The following DIP2B variants were observed in gnomAD, a reference collection of about 807,000 sequenced individuals.
The protein encoded by DIP2B is disco-interacting protein 2 homolog B.
Under a neutral mutation model 198.0 loss-of-function variants are expected in DIP2B, and 76 were observed. The ratio of observed to expected loss-of-function variants is 0.38; its 90% CI spans 0.32 to 0.46. DIP2B has a LOEUF of 0.46. Among genes scored for constraint, DIP2B ranks in the 20% least tolerant of loss-of-function variants. DIP2B has a pLI of 0.99. For synonymous variants in DIP2B, 701 were observed against 739.1 expected (o/e 0.95, Z 0.84); for missense variants, 1,559 against 1,978.4 (o/e 0.79, Z 4.02).
At chr12:50,563,144 C>T (rs1958534064) in intron 1 of DIP2B, among the ~76,000 whole-genome samples, 1 of 152,102 alleles carries the variant, frequency 6.6e-6, no homozygotes, top group Admixed American at 6.6e-5. Context: ...TATCTATTTC[C>T]AACATATGCT....
intron 1 of DIP2B, among the ~76,000 whole-genome samples, chr12:50,602,418 A>T (rs1958944942): frequency 6.6e-6 from 1 of 152,050 alleles, no homozygotes; most frequent in Admixed American, 6.6e-5. Context: ...ACAGGCACAC[A>T]CCACTGTGGC....
intron 25 of DIP2B, among the ~76,000 whole-genome samples, chr12:50,719,734 G>A (rs1375503184): frequency 1.3e-5 from 2 of 151,484 alleles, no homozygotes; most frequent in Non-Finnish European, 2.9e-5. Context: ...CCAGCTACTC[G>A]GGAGGCCGAG....
chr12:50,635,927 ATTAT>A (rs1270138911), intron 2 of DIP2B, among the ~76,000 whole-genome samples: 1 of 152,180 alleles, frequency 6.6e-6, no homozygotes, highest in Non-Finnish European at 1.5e-5. Flanking sequence ...CAAGATCTTA[ATTAT>A]TTATTTTAAT....
At position 50,699,163 on chromosome 12, in the gene DIP2B, G is replaced by A. The variant is rs1418334444; in HGVS notation, c.2286G>A (p.Met762Ile). ...ICVSSRTGGM[M>I]YFGLAGVTKN... ...TTAGCTCCAGAACTGGAGGCATGAT[G>A]TACTTTGGGCTTGCTGGTGTGACAA... is the stretch of plus-strand genomic sequence containing the variant. The change falls in exon 19 of 38, where the codon ATG (methionine) becomes ATA (isoleucine). Residue 762 changes from methionine to isoleucine, a missense_variant. Met to Ile is a conservative substitution (Grantham distance 10). Transcript: ENST00000301180. 3.1e-6 allele frequency: 5 copies of A among 1,614,084 alleles called. No homozygotes were observed. Among genetic ancestry groups the A allele is most frequent in the Admixed American group, 1.7e-5 (1 of 60,010 alleles).
intron 12 of DIP2B, among the ~76,000 whole-genome samples, chr12:50,687,061 G>C (rs1042145006): frequency 6.6e-6 from 1 of 152,174 alleles, no homozygotes; most frequent in African/African-American, 2.4e-5. Flanking sequence ...TAAAAGAACA[G>C]ATTAGTAGAT....
intron 12 of DIP2B, among the ~76,000 whole-genome samples, chr12:50,688,424 G>A (rs1939167898): frequency 6.6e-6 from 1 of 152,148 alleles, no homozygotes; most frequent in Non-Finnish European, 1.5e-5. Flanking sequence ...GGCTGAGGGA[G>A]CTGGATTGCT....
Position 50,505,101 on chromosome 12 carries a change from C to T in DIP2B, c.-40C>T. 6.6e-7 allele frequency: 1 copy of T among 1,515,578 alleles called. No homozygotes were observed. The highest frequency in any genetic ancestry group is 8.8e-7 in the Non-Finnish European group (1 of 1,131,510). 93.9% of individuals were successfully genotyped at this position (1,515,578 alleles called of 1,614,324 possible). ...CGTGTCTGTCCGTCCCTCCTTCGGCCCCCTCTCTTGTCTTCCGGAGTGTGG... is the reference window on the plus strand; with the variant it reads ...CGTGTCTGTCCGTCCCTCCTTCGGCTCCCTCTCTTGTCTTCCGGAGTGTGG... On this transcript the variant is annotated 5_prime_UTR_variant, in exon 1 of 38. Transcript: ENST00000301180.
At position 50,748,011 on chromosome 12, in the gene DIP2B, T is replaced by C. The variant is rs1940363314; in HGVS notation, c.*3172T>C. The C allele has an allele frequency of 6.5e-6, 1 of 152,680 alleles. No individual in the cohort carries two copies. The highest frequency in any genetic ancestry group is 2.4e-5 in the African/African-American group (1 of 41,460). The allele number at this position is 152,680 out of a possible 1,614,324, so 9.5% of individuals were successfully genotyped here. On this transcript the variant is annotated 3_prime_UTR_variant, in exon 38 of 38. Coordinates refer to ENST00000301180, the MANE Select transcript of DIP2B (RefSeq NM_173602.3). ...TGAAGTTGTGTTGCCTCAGGCTGTT[T>C]AGGGACCATTGCCTGTCTTGGTCAC...
At chr12:50,716,556 A>G (rs571158229) in intron 23 of DIP2B, among the ~76,000 whole-genome samples, 115 of 152,290 alleles carry the variant, frequency 7.6e-4, no homozygotes, top group African/African-American at 2.6e-3. Context: ...AAACAAAACA[A>G]AAAGTTGCCA....
At chr12:50,690,375 C>T (rs1005052150) in intron 12 of DIP2B, among the ~76,000 whole-genome samples, 55 of 152,190 alleles carry the variant, frequency 3.6e-4, no homozygotes, top group African/African-American at 1.3e-3. Context: ...CGTGAGCCAC[C>T]GCACCCAGCC....
intron 1 of DIP2B, among the ~76,000 whole-genome samples, chr12:50,552,855 A>C (rs1375648059): frequency 6.6e-6 from 1 of 151,840 alleles, no homozygotes; most frequent in South Asian, 2.1e-4. Context: ...ATTTTGAGTT[A>C]TTTTATTTAT....
At chr12:50,640,013 T>C (rs2139485870) in intron 2 of DIP2B, among the ~76,000 whole-genome samples, 1 of 152,280 alleles carries the variant, frequency 6.6e-6, no homozygotes, top group Non-Finnish European at 1.5e-5. Context: ...TATAACATCG[T>C]GCCTTATTAA....
chr12:50,722,672 C>T (rs962253507), intron 26 of DIP2B, among the ~76,000 whole-genome samples: 23 of 152,164 alleles, frequency 1.5e-4, no homozygotes, highest in Non-Finnish European at 3.1e-4. Context: ...ACCTGTCAGT[C>T]GGTGAGAGGC....
chr12:50,669,660 A>G (rs1592119262), intron 4 of DIP2B, among the ~76,000 whole-genome samples: 1 of 152,146 alleles, frequency 6.6e-6, no homozygotes, highest in South Asian at 2.1e-4. Flanking sequence ...CCTGACGTCA[A>G]GTGATCCACC....
intron 4 of DIP2B, among the ~76,000 whole-genome samples, chr12:50,670,214 A>G (rs1008864947): frequency 2.9e-4 from 41 of 142,244 alleles, no homozygotes; most frequent in African/African-American, 1.0e-3. Flanking sequence ...ACATAAGTGG[A>G]TTTCTCACAA....
At chr12:50,517,286 A>G (rs139128369) in intron 1 of DIP2B, among the ~76,000 whole-genome samples, 17 of 151,812 alleles carry the variant, frequency 1.1e-4, no homozygotes, top group African/African-American at 4.1e-4. Flanking sequence ...ATTGTTTCCC[A>G]GGCTGATCTC....
intron 1 of DIP2B, among the ~76,000 whole-genome samples, chr12:50,549,466 C>G (rs373406625): frequency 2.9e-3 from 428 of 149,076 alleles, no homozygotes; most frequent in African/African-American, 1.0e-2. Context: ...GGAGGTGGAG[C>G]TTGCAGTGAG....
chr12:50,643,026 C>CTGTG (rs10651157), intron 3 of DIP2B, among the ~76,000 whole-genome samples: 2,364 of 149,736 alleles, frequency 0.016, 55 homozygotes, highest in African/African-American at 0.05. Context: ...CTGGGAGTTT[C>CTGTG]TGTGTGTGTG....
intron 20 of DIP2B, among the ~76,000 whole-genome samples, chr12:50,704,931 G>A (rs979362142): frequency 1.3e-5 from 2 of 151,922 alleles, no homozygotes; most frequent in African/African-American, 2.4e-5. Flanking sequence ...CTGGGCAACA[G>A]AGCGAGACTT....
Sources: allele counts gnomAD v4.1 joint callset (sites outside exome capture counted in the v4.1 genomes callset), GRCh38; gene constraint gnomAD v4.1.1; transcripts MANE v1.5; gene names NCBI Gene and HGNC (gene_info 2026-07-23, HGNC 2026-07-21).